Variants in RS1 observed in about 807,000 individuals in gnomAD.
RS1 encodes retinoschisin.
A neutral mutation model predicts 20.8 loss-of-function variants in RS1; 2 were observed. The ratio of observed to expected loss-of-function variants is 0.10; its 90% CI spans 0.04 to 0.30. The LOEUF (loss-of-function observed/expected upper bound fraction) is 0.30. Among genes scored for constraint, RS1 ranks in the 10% least tolerant of loss-of-function variants. The pLI, the probability that RS1 is intolerant of heterozygous loss-of-function variation, is 1.00. For synonymous variants in RS1, 70 were observed against 75.8 expected (o/e 0.92, Z 0.40); for missense variants, 151 against 189.8 (o/e 0.80, Z 1.20).
At chrX:18,647,756 TCTCTTGTTGTC>T (rs2147194708) in intron 3 of RS1, 1 of 160,162 alleles carries the variant, frequency 6.2e-6, no homozygotes, top group South Asian at 1.5e-4. Context: ...TGACGTCAGG[TCTCTTGTTGTC>T]CTTGGGCAGC....
At chrX:18,658,780 T>TTCATCTTCATCA (rs1928263933) in intron 1 of RS1, among the ~76,000 whole-genome samples, 1 of 103,819 alleles carries the variant, frequency 9.6e-6, no homozygotes, top group Non-Finnish European at 2.0e-5. Context: ...TTATTAAATC[T>TTCATCTTCATCA]TCATCATCAT....
At chrX:18,653,345 C>T in intron 3 of RS1, 13 of 1,170,187 alleles carry the variant, frequency 1.1e-5, no homozygotes, top group South Asian at 9.4e-5. Flanking sequence ...CCTTCTGCTC[C>T]GTGGGGGGCC....
In RS1 at chrX:18,641,192, T is replaced by C. The variant is rs750291459; in HGVS notation, c.*812A>G. ...GGTAAAGGGCAATTGTACTGTGTTG[T>C]GGTCATTTGGGGTCCCTACATATAC... On this transcript the variant is annotated 3_prime_UTR_variant, in exon 6 of 6. Coordinates refer to ENST00000379984, the MANE Select transcript of RS1 (RefSeq NM_000330.4). 3 of 112,063 alleles carry C rather than the reference T, an allele frequency of 2.7e-5. No homozygotes were observed. Among genetic ancestry groups the C allele is most frequent in the African/African-American group, 9.7e-5 (3 of 30,840 alleles). 9.2% of individuals were successfully genotyped at this position (112,063 alleles called of 1,213,427 possible).
intron 4 of RS1, 34 bp downstream of exon 4, chrX:18,647,157 A>G (rs763658955): frequency 8.3e-7 from 1 of 1,206,876 alleles, no homozygotes; most frequent in Non-Finnish European, 1.1e-6. Context: ...TTTTTTTAAA[A>G]GCACATGAAA....
At chrX:18,669,364 GT>G (rs1422013890) in intron 1 of RS1, among the ~76,000 whole-genome samples, 2 of 107,981 alleles carry the variant, frequency 1.9e-5, no homozygotes, top group African/African-American at 6.8e-5. Context: ...GGTGGCACAC[GT>G]CTGTAATCCC....
In RS1 at chrX:18,642,050, A is replaced by C. The variant is rs757697856; in HGVS notation, c.629T>G (p.Ile210Ser). The C allele has an allele frequency of 7.4e-6, 9 of 1,211,504 alleles. No homozygotes were observed. In the Admixed American group the frequency reaches 2.0e-4, roughly 26 times the overall value. ...RLIPLGWHVR[I>S]AIRMELLECV... ...CTCCAGCAGCTCCATCCGGATGGCA[A>C]TGCGGACGTGCCAGCCCAGCGGGAT... The change falls in exon 6 of 6, where the codon ATT becomes AGT. Residue 210 changes from isoleucine (I) to serine (S), a missense_variant. Coordinates refer to ENST00000379984, the MANE Select transcript of RS1 (RefSeq NM_000330.4).
rs1274670299 is a variant in RS1 at position 18,647,100 on chromosome X, A to G, written c.326+91T>C. ...CCAGTTAATTTTTTGTATTTTTAGTAGAGACGGGGTTTCACTGTGTTGGCC... is the reference window on the plus strand; with the variant it reads ...CCAGTTAATTTTTTGTATTTTTAGTGGAGACGGGGTTTCACTGTGTTGGCC... On this transcript the variant is annotated intron_variant, in intron 4 of 5. Coordinates refer to ENST00000379984, the MANE Select transcript of RS1 (RefSeq NM_000330.4). The G allele has an allele frequency of 3.9e-6, 4 of 1,036,064 alleles. No homozygotes were observed. The African/African-American group carries it at 7.4e-5, about 19-fold the overall frequency. 85.4% of individuals were successfully genotyped at this position (1,036,064 alleles called of 1,213,427 possible).
intron 1 of RS1, among the ~76,000 whole-genome samples, chrX:18,659,663 C>T (rs1223152974): frequency 9.0e-6 from 1 of 110,925 alleles, no homozygotes; most frequent in East Asian, 2.8e-4. Flanking sequence ...GTGCAGGAAA[C>T]GCTACCATCA....
At chrX:18,663,896 G>A (rs745378297) in intron 1 of RS1, among the ~76,000 whole-genome samples, 41 of 112,117 alleles carry the variant, frequency 3.7e-4, no homozygotes, top group Non-Finnish European at 7.1e-4. Flanking sequence ...CTAGCTCAAA[G>A]TGGACCAACC....
chrX:18,667,885 G>A (rs1422123591), intron 1 of RS1, among the ~76,000 whole-genome samples: 2 of 112,027 alleles, frequency 1.8e-5, no homozygotes, highest in African/African-American at 3.2e-5. Context: ...AGCAGAGAGA[G>A]AAGGAACGAC....
intron 3 of RS1, among the ~76,000 whole-genome samples, chrX:18,654,773 C>G (rs900399258): frequency 2.7e-5 from 3 of 111,967 alleles, no homozygotes; most frequent in Non-Finnish European, 5.6e-5. Flanking sequence ...CCTTGGAAAA[C>G]AAACTTAGTT....
At chrX:18,660,026 C>G (rs765290373) in intron 1 of RS1, among the ~76,000 whole-genome samples, 7 of 111,587 alleles carry the variant, frequency 6.3e-5, no homozygotes, top group African/African-American at 2.3e-4. Flanking sequence ...CCCTTTGATC[C>G]TCCAATCATA....
rs753767629 is a variant in RS1 at position 18,640,434 on chromosome X, A to ACCCC, written c.*1566_*1569dup. The stretch of plus-strand genomic sequence containing the variant: ...CCTAAGGCCAGGGATAAGTCCCCCC[A>ACCCC]CCCCCCCCCCCCACCCCCAACACCC... On this transcript the variant is annotated 3_prime_UTR_variant, in exon 6 of 6. Transcript: ENST00000379984. 4.1e-5 allele frequency: 2 copies of ACCCC among 49,192 alleles called. No homozygotes were observed. The highest frequency in any genetic ancestry group is 9.1e-4 in the East Asian group (1 of 1,100). The allele number at this position is 49,192 out of a possible 1,213,427, so 4.1% of individuals were successfully genotyped here. A position where few individuals can be genotyped will look rare whatever the true frequency, so the allele number is the denominator to read the frequency against.
chrX:18,655,584 C>G (rs959527166), intron 3 of RS1, among the ~76,000 whole-genome samples: 1 of 111,634 alleles, frequency 9.0e-6, no homozygotes, highest in Non-Finnish European at 1.9e-5. Context: ...GAGTTCTGCT[C>G]CACGTGATCA....
intron 1 of RS1, among the ~76,000 whole-genome samples, chrX:18,661,046 A>G (rs968112861): frequency 8.9e-6 from 1 of 112,042 alleles, no homozygotes; most frequent in Non-Finnish European, 1.9e-5. Flanking sequence ...TCAAGTAGCA[A>G]TGAAGGTTAG....
chrX:18,653,452 C>G lies in RS1; in HGVS notation c.184+3201G>C, dbSNP rs376960593. 3 of 1,211,341 alleles carry G rather than the reference C, an allele frequency of 2.5e-6. No homozygotes were observed. On this transcript the variant is annotated intron_variant, in intron 3 of 5. Coordinates refer to ENST00000379984, the MANE Select transcript of RS1 (RefSeq NM_000330.4). The stretch of plus-strand genomic sequence containing the variant: ...TCCAGGGTTCTCTTTCTTCGTGAGA[C>G]ACGTTATGAGGGAAGCCCTGATTCA...
intron 3 of RS1, among the ~76,000 whole-genome samples, chrX:18,649,354 TCTC>T (rs1927932282): frequency 9.0e-6 from 1 of 111,426 alleles, no homozygotes; most frequent in African/African-American, 3.3e-5. Flanking sequence ...CCCACCTCAT[TCTC>T]CTAGTTTTCT....
intron 1 of RS1, among the ~76,000 whole-genome samples, chrX:18,661,481 C>A (rs926555541): frequency 8.9e-6 from 1 of 111,768 alleles, no homozygotes; most frequent in Non-Finnish European, 1.9e-5. Context: ...GTTAGTCAGC[C>A]CCATTAGACT....
chrX:18,656,817 C>A, intron 2 of RS1, 59 bp from the exon 3 acceptor site: 1 of 960,462 alleles, frequency 1.0e-6, no homozygotes, highest in Non-Finnish European at 1.5e-6. Flanking sequence ...CTGTGGTTGC[C>A]CCCACGGAGT....
Sources: gnomAD v4.1 joint callset for allele counts (sites outside exome capture counted in the v4.1 genomes callset) on GRCh38, gnomAD v4.1.1 for gene constraint, MANE v1.5 for transcripts, NCBI Gene and HGNC (gene_info 2026-07-23, HGNC 2026-07-21) for gene names.